The following NUAK2 variants were observed in gnomAD, a reference collection of about 807,000 sequenced individuals.
NUAK2 encodes NUAK family kinase 2.
In NUAK2, 20 loss-of-function variants were observed where a neutral mutation model predicts 29.8. The ratio of observed to expected loss-of-function variants is 0.67; its 90% CI spans 0.47 to 0.98. The LOEUF (loss-of-function observed/expected upper bound fraction) is 0.98, where lower values mean the gene tolerates loss of function less well. Among genes scored for constraint, NUAK2 ranks in the 50% least tolerant of loss-of-function variants. The probability of loss-of-function intolerance (pLI) is 0.00; values close to 1 mark genes in which losing one functional copy is unlikely to be tolerated. For missense variants in NUAK2, 719 were observed against 834.5 expected (o/e 0.86, Z 1.71); for synonymous variants, 331 against 342.6 (o/e 0.97, Z 0.37).
chr1:205,304,026 C>A lies in NUAK2; in HGVS notation c.1311G>T (p.Gly437=), dbSNP rs1309836156. ...TCTTGGGGAGCAGGGGGGCAGCCTG[C>A]CCTGGGCTCGCAGGGATTGGGCTGA... The part of the protein sequence containing the change: ...PELSPIPASP[G]QAAPLLPKKG... Residue 437 remains glycine (G), a synonymous_variant, in exon 7 of 7, where the codon GGG becomes GGT. Coordinates refer to ENST00000367157, the MANE Select transcript of NUAK2 (RefSeq NM_030952.3). The surrounding 1 kb of genome is among the most constrained non-coding windows in gnomAD (Gnocchi z 6.5). 5 of 1,613,940 alleles carry A rather than the reference C, an allele frequency of 3.1e-6. No individual in the cohort carries two copies. Among genetic ancestry groups the A allele is most frequent in the South Asian group, 1.1e-5 (1 of 91,080 alleles).
chr1:205,304,659 T>C lies in NUAK2; in HGVS notation c.824-146A>G, dbSNP rs540175040. On this transcript the variant is annotated intron_variant, in intron 6 of 6. Transcript: ENST00000367157. This position sits in a 1 kb window ranked among gnomAD's most constrained non-coding sequence, Gnocchi z 6.5. Reference sequence around the variant, plus strand: ...CCCTTCCAACCTAGGGCTCTATACATGCCTTGGCCCAGGACAGCTCCCCAG... The same window carrying C: ...CCCTTCCAACCTAGGGCTCTATACACGCCTTGGCCCAGGACAGCTCCCCAG... The C allele has an allele frequency of 7.9e-5, 55 of 697,678 alleles. No individual in the cohort carries two copies. Among genetic ancestry groups the C allele is most frequent in the Non-Finnish European group, 1.2e-4 (51 of 428,692 alleles). The allele number at this position is 697,678 out of a possible 1,614,324, so 43.2% of individuals were successfully genotyped here.
intron 1 of NUAK2, among the ~76,000 whole-genome samples, chr1:205,320,327 C>T (rs755422601): frequency 2.0e-5 from 3 of 152,128 alleles, no homozygotes; most frequent in Non-Finnish European, 4.4e-5. Flanking sequence ...TGCAGTGGCA[C>T]GATCTCGGCT....
At chr1:205,319,816 C>G (rs1402048582) in intron 1 of NUAK2, among the ~76,000 whole-genome samples, 1 of 152,182 alleles carries the variant, frequency 6.6e-6, no homozygotes, top group African/African-American at 2.4e-5. Context: ...CCAACATCCA[C>G]TCTCCTTCAC....
chr1:205,308,672 T>G lies in NUAK2; in HGVS notation c.413A>C (p.Tyr138Ser). The G allele has an allele frequency of 6.2e-7, 1 of 1,614,090 alleles. No individual in the cohort carries two copies. Among genetic ancestry groups the G allele is most frequent in the Non-Finnish European group, 8.5e-7 (1 of 1,180,024 alleles). Residue 138 changes from tyrosine to serine, a missense_variant, in exon 3 of 7, where the codon TAT becomes TCT. By Grantham distance (144) the Tyr-to-Ser change is moderately radical (BLOSUM62 -2). This residue lies in a region of NUAK2 where 283 missense variants were observed against 345.6 expected (regional missense o/e 0.82). Coordinates refer to ENST00000367157, the MANE Select transcript of NUAK2 (RefSeq NM_030952.3). This position sits in a 1 kb window ranked among gnomAD's most constrained non-coding sequence, Gnocchi z 4.1. Reference protein sequence around the residue: ...VMEYASRGDLYDYISERQQLS... With the variant: ...VMEYASRGDLSDYISERQQLS... ...CTGCTGCCGCTCGCTGATGTAGTCA[T>G]AAAGGTCGCCCCGGCTGGCATACTC...
Position 205,311,735 on chromosome 1 carries a change from T to C in NUAK2, c.322A>G (p.Asn108Asp). ...TGGATGGCAATGATGTGAGGGTGGT[T>C]GAGTGATGACATGATCTCAATCTCC... ...RREIEIMSSL[N>D]HPHIIAIHEV... The change falls in exon 2 of 7, where the codon AAC (asparagine) becomes GAC (aspartate). Residue 108 changes from asparagine (N) to aspartate (D), a missense_variant. Coordinates refer to ENST00000367157, the MANE Select transcript of NUAK2 (RefSeq NM_030952.3). The C allele has an allele frequency of 6.2e-7, 1 of 1,614,208 alleles. No homozygotes were observed. The highest frequency in any genetic ancestry group is 8.5e-7 in the Non-Finnish European group (1 of 1,180,030).
intron 1 of NUAK2, among the ~76,000 whole-genome samples, chr1:205,317,386 G>T (rs1662343551): frequency 6.6e-6 from 1 of 152,204 alleles, no homozygotes. Flanking sequence ...TGTCTGGGAG[G>T]CAGGGCAAGG....
At position 205,305,917 on chromosome 1, in the gene NUAK2, T is replaced by A. The variant is rs111388830; in HGVS notation, c.690+271A>T. On this transcript the variant is annotated intron_variant, in intron 5 of 6. Coordinates refer to ENST00000367157, the MANE Select transcript of NUAK2 (RefSeq NM_030952.3). ...TAAGTAAAGATGGGGTTTCACCACA[T>A]TGGCCAGGCTAGTCTCGAACTCCTG... 2.5e-3 allele frequency among the ~76,000 whole-genome samples: 379 copies of A among 152,294 alleles called. 4 individuals carry two copies. Among genetic ancestry groups the A allele is most frequent in the African/African-American group, 8.9e-3 (371 of 41,552 alleles).
chr1:205,306,441 C>G, intron 4 of NUAK2, 134 bp from the exon 5 acceptor site: 2 of 1,159,704 alleles, frequency 1.7e-6, no homozygotes, highest in Non-Finnish European at 2.4e-6. Flanking sequence ...TGACCCTTAC[C>G]CCACACTGAG....
At chr1:205,314,311 G>C (rs1180526264) in intron 1 of NUAK2, among the ~76,000 whole-genome samples, 1 of 152,234 alleles carries the variant, frequency 6.6e-6, no homozygotes, top group Non-Finnish European at 1.5e-5. Flanking sequence ...GGGAGGGATG[G>C]TCACCATGGA....
chr1:205,312,963 G>A (rs1010759967), intron 1 of NUAK2, among the ~76,000 whole-genome samples: 3 of 152,138 alleles, frequency 2.0e-5, no homozygotes, highest in South Asian at 2.1e-4. Flanking sequence ...AGCCAGTCAC[G>A]CAAGGATCAA....
At chr1:205,305,954 T>G (rs1447141289) in intron 5 of NUAK2, among the ~76,000 whole-genome samples, 1 of 152,192 alleles carries the variant, frequency 6.6e-6, no homozygotes, top group African/African-American at 2.4e-5. Context: ...CCTCAAGTGA[T>G]CCACCCACCT....
Position 205,304,421 on chromosome 1 carries a change from C to T in NUAK2, c.916G>A (p.Gly306Ser), listed in dbSNP as rs1295402757. The change falls in exon 7 of 7, where the codon GGC becomes AGC. Residue 306 changes from glycine (G) to serine (S), a missense_variant. Physicochemically the swap from Gly to Ser is moderately conservative, Grantham distance 56. Transcript: ENST00000367157. This position sits in a 1 kb window ranked among gnomAD's most constrained non-coding sequence, Gnocchi z 6.5. Reference sequence around the variant, plus strand: ...TGCTCTCCCACTCGGGTGGCGTAGCCCCAGTTGACCCACCAGTGACTGGCC... The same window carrying T: ...TGCTCTCCCACTCGGGTGGCGTAGCTCCAGTTGACCCACCAGTGACTGGCC... ...DVASHWWVNW[G>S]YATRVGEQEA... 1.3e-6 allele frequency: 2 copies of T among 1,591,008 alleles called. No homozygotes were observed. Among genetic ancestry groups the T allele is most frequent in the Non-Finnish European group, 1.7e-6 (2 of 1,167,032 alleles).
chr1:205,306,804 A>G (rs1574891038), intron 4 of NUAK2, among the ~76,000 whole-genome samples: 3 of 152,242 alleles, frequency 2.0e-5, no homozygotes, highest in African/African-American at 7.2e-5. Context: ...TAGTGATGGA[A>G]AGGAGGGTCA....
Position 205,321,567 on chromosome 1 carries a change from C to G in NUAK2, c.62G>C (p.Arg21Pro), listed in dbSNP as rs1558677869. The G allele has an allele frequency of 6.2e-7, 1 of 1,613,412 alleles. No homozygotes were observed. The highest frequency in any genetic ancestry group is 1.7e-5 in the Admixed American group (1 of 60,000). The change falls in exon 1 of 7, where the codon CGG becomes CCG. Residue 21 changes from arginine to proline, a missense_variant. Arg to Pro is a moderately radical substitution (Grantham distance 103). Coordinates refer to ENST00000367157, the MANE Select transcript of NUAK2 (RefSeq NM_030952.3). Reference protein sequence around the residue: ...GPTPSAAELARPLAEGLIKSP... With the variant: ...GPTPSAAELAPPLAEGLIKSP... ...CTTGATCAGCCCTTCCGCCAGCGGCCGGGCTAGCTCTGCGGCCGAGGGAGT... is the reference window on the plus strand; with the variant it reads ...CTTGATCAGCCCTTCCGCCAGCGGCGGGGCTAGCTCTGCGGCCGAGGGAGT...
rs1558670171 is a variant in NUAK2 at position 205,302,759 on chromosome 1, CGG to C, written c.*689_*690del. The C allele has an allele frequency of 6.6e-6, 1 of 151,992 alleles. No homozygotes were observed. Among genetic ancestry groups the C allele is most frequent in the African/African-American group, 2.4e-5 (1 of 41,348 alleles). 9.4% of individuals were successfully genotyped at this position (151,992 alleles called of 1,614,324 possible). On this transcript the variant is annotated 3_prime_UTR_variant, in exon 7 of 7. Transcript: ENST00000367157. Reference sequence around the variant, plus strand: ...ATACAAAATTAGCCGGGCATGGTGGCGGGCGCCTGTAATCCCAGCTACTAGGG... The same window carrying C: ...ATACAAAATTAGCCGGGCATGGTGGCGCGCCTGTAATCCCAGCTACTAGGG...
chr1:205,303,449 C>G lies in NUAK2; in HGVS notation c.*1G>C. 1 of 1,566,278 alleles carries G rather than the reference C, an allele frequency of 6.4e-7. No individual in the cohort carries two copies. Among genetic ancestry groups the G allele is most frequent in the Non-Finnish European group, 8.7e-7 (1 of 1,155,742 alleles). Reference sequence around the variant, plus strand: ...CCGGGCTGGGGCAATGCCTACTCCACTCAGGTGAGCTTTGAGCAGACCCTC... The same window carrying G: ...CCGGGCTGGGGCAATGCCTACTCCAGTCAGGTGAGCTTTGAGCAGACCCTC... On this transcript the variant is annotated 3_prime_UTR_variant, in exon 7 of 7. Coordinates refer to ENST00000367157, the MANE Select transcript of NUAK2 (RefSeq NM_030952.3).
At position 205,304,145 on chromosome 1, in the gene NUAK2, G is replaced by A. The variant is rs767244934; in HGVS notation, c.1192C>T (p.Arg398Cys). ...AGCTTGAGGTTGCTCTTGCCAGGGC[G>A]ATGGGCAGTGTCATCAGCCGTGTCA... ...HSDTADDTAH[R>C]PGKSNLKLPK... Residue 398 changes from arginine (R) to cysteine (C), a missense_variant, in exon 7 of 7, where the codon CGC (arginine) becomes TGC (cysteine). Coordinates refer to ENST00000367157, the MANE Select transcript of NUAK2 (RefSeq NM_030952.3). This position sits in a 1 kb window ranked among gnomAD's most constrained non-coding sequence, Gnocchi z 6.5. 2.4e-5 allele frequency: 39 copies of A among 1,614,076 alleles called. No individual in the cohort carries two copies. Among genetic ancestry groups the A allele is most frequent in the Non-Finnish European group, 3.1e-5 (37 of 1,180,040 alleles).
chr1:205,312,240 G>C (rs1431493139), intron 1 of NUAK2, among the ~76,000 whole-genome samples: 3 of 152,164 alleles, frequency 2.0e-5, no homozygotes, highest in Non-Finnish European at 4.4e-5. Flanking sequence ...ATAACTCCTT[G>C]TTGCATTAGT....
At position 205,303,288 on chromosome 1, in the gene NUAK2, C is replaced by T; in HGVS notation, c.*162G>A. On this transcript the variant is annotated 3_prime_UTR_variant, in exon 7 of 7. Transcript: ENST00000367157. The stretch of plus-strand genomic sequence containing the variant: ...CTGAACCCTTGGCGCATTTCATTTG[C>T]CTACTTCCCATATCCAGCCCTGCTC... 1.9e-6 allele frequency: 1 copy of T among 540,120 alleles called. No homozygotes were observed. Among genetic ancestry groups the T allele is most frequent in the Non-Finnish European group, 3.2e-6 (1 of 314,870 alleles). The allele number at this position is 540,120 out of a possible 1,614,324, so 33.5% of individuals were successfully genotyped here. A position where few individuals can be genotyped will look rare whatever the true frequency, so the allele number is the denominator to read the frequency against.
Sources: allele counts gnomAD v4.1 joint callset (sites outside exome capture counted in the v4.1 genomes callset), GRCh38; gene constraint gnomAD v4.1.1; regional missense constraint gnomAD v4.1.1; non-coding constraint Gnocchi (gnomAD v3.1); transcripts MANE v1.5; gene names NCBI Gene and HGNC (gene_info 2026-07-23, HGNC 2026-07-21).